The following TAOK3 variants were observed in gnomAD, a reference collection of about 807,000 sequenced individuals.
The protein encoded by TAOK3 is serine/threonine-protein kinase TAO3.
Under a neutral mutation model 120.4 loss-of-function variants are expected in TAOK3, and 40 were observed. The ratio of observed to expected loss-of-function variants is 0.33; its 90% confidence interval spans 0.26 to 0.43. The LOEUF (loss-of-function observed/expected upper bound fraction) is 0.43, where lower values mean the gene tolerates loss of function less well. Ranked by LOEUF, TAOK3 falls within the 20% of genes least tolerant of loss-of-function variation. The pLI, the probability that TAOK3 is intolerant of heterozygous loss-of-function variation, is 1.00. For missense variants in TAOK3, 821 were observed against 1,112.1 expected, an observed-to-expected ratio of 0.74 and a Z score of 3.72; for synonymous variants, 355 against 387.5, an observed-to-expected ratio of 0.92 and a Z score of 0.99.
At chr12:118,296,506 C>CG (rs1376109046) in intron 1 of TAOK3, among the ~76,000 whole-genome samples, 1 of 152,042 alleles carries the variant, frequency 6.6e-6, no homozygotes, top group East Asian at 1.9e-4. Flanking sequence ...CTATAAGTTT[C>CG]GGGAAAAAAG....
At chr12:118,359,034 A>T (rs1243028960) in intron 1 of TAOK3, 1 of 152,222 alleles carries the variant, frequency 6.6e-6, no homozygotes, top group Non-Finnish European at 1.5e-5. Context: ...GGCTTCATTT[A>T]AAAAACTGCC....
At chr12:118,227,261 A>G (rs2039550939) in intron 9 of TAOK3, among the ~76,000 whole-genome samples, 1 of 146,288 alleles carries the variant, frequency 6.8e-6, no homozygotes, top group Non-Finnish European at 1.5e-5. Flanking sequence ...AATATAATAT[A>G]AAATTATGTT....
chr12:118,364,062 G>T (rs1419698304), intron 1 of TAOK3, among the ~76,000 whole-genome samples: 1 of 152,048 alleles, frequency 6.6e-6, no homozygotes, highest in Non-Finnish European at 1.5e-5. Context: ...CTTGAACCCG[G>T]GAGGCAGAGG....
In TAOK3 at chr12:118,151,123, G is replaced by C; in HGVS notation, c.2571C>G (p.Arg857=). The part of the protein sequence containing the change: ...EEELAALQKE[R]SERIKNLLER... ...CCAATAGGTTCTTTATTCTCTCGCTGCGTTCCTTCTGAAGGGCAGCCAGCT... is the reference window on the plus strand; with the variant it reads ...CCAATAGGTTCTTTATTCTCTCGCTCCGTTCCTTCTGAAGGGCAGCCAGCT... The change falls in exon 21 of 21, where the codon CGC becomes CGG. Residue 857 remains arginine (R), a synonymous_variant. Transcript: ENST00000392533. 1 of 1,613,450 alleles carries C rather than the reference G, an allele frequency of 6.2e-7. No homozygotes were observed. Among genetic ancestry groups the C allele is most frequent in the South Asian group, 1.1e-5 (1 of 91,060 alleles).
chr12:118,156,466 C>T (rs905289460), intron 19 of TAOK3, among the ~76,000 whole-genome samples: 8 of 152,102 alleles, frequency 5.3e-5, no homozygotes, highest in Non-Finnish European at 1.0e-4. Context: ...TTCCTCTAAC[C>T]GCTCTTCCTA....
intron 6 of TAOK3, among the ~76,000 whole-genome samples, chr12:118,238,430 A>G (rs1213917447): frequency 6.6e-6 from 1 of 152,222 alleles, no homozygotes; most frequent in Non-Finnish European, 1.5e-5. Context: ...TTTACTTATC[A>G]GTTGCAAGCC....
intron 1 of TAOK3, among the ~76,000 whole-genome samples, chr12:118,334,137 CAAA>C (rs57605394): frequency 0.09 from 7,002 of 77,490 alleles, 337 homozygotes; most frequent in East Asian, 0.34. Flanking sequence ...CTCCCATCTC[CAAA>C]AAAAAAAAAA....
chr12:118,291,110 C>T (rs1024275979), intron 1 of TAOK3, among the ~76,000 whole-genome samples: 18 of 151,428 alleles, frequency 1.2e-4, no homozygotes, highest in Non-Finnish European at 2.1e-4. Flanking sequence ...TCTGCCTCGG[C>T]GTCCGAAAGT....
At chr12:118,279,226 T>C in intron 1 of TAOK3, among the ~76,000 whole-genome samples, 1 of 152,192 alleles carries the variant, frequency 6.6e-6, no homozygotes, top group East Asian at 1.9e-4. Context: ...CATGTCTTCT[T>C]TTGAAAAGTG....
rs558514819 is a variant in TAOK3 at position 118,181,285 on chromosome 12, C to G, written c.1566+86G>C. ...GAAACAACAATTTTCCTCCATCCCCCACTCCTGCCTCTTGCTAACATCCTG... is the reference window on the plus strand; with the variant it reads ...GAAACAACAATTTTCCTCCATCCCCGACTCCTGCCTCTTGCTAACATCCTG... On this transcript the variant is annotated intron_variant, in intron 15 of 20. Transcript: ENST00000392533. 53 of 1,150,970 alleles carry G rather than the reference C, an allele frequency of 4.6e-5. 1 individual carries two copies. In the South Asian group the frequency reaches 6.3e-4, roughly 14 times the overall value. The allele number at this position is 1,150,970 out of a possible 1,614,324, so 71.3% of individuals were successfully genotyped here.
intron 17 of TAOK3, among the ~76,000 whole-genome samples, chr12:118,169,444 G>A (rs1593015340): frequency 6.7e-6 from 1 of 149,254 alleles, no homozygotes; most frequent in African/African-American, 2.5e-5. Context: ...AGCCTCCCGA[G>A]TAGCTGGGAT....
At chr12:118,199,302 A>C in intron 12 of TAOK3, 45 bp from the exon 13 acceptor site, 1 of 1,449,952 alleles carries the variant, frequency 6.9e-7, no homozygotes, top group Non-Finnish European at 9.7e-7. Flanking sequence ...ACTGAAGATA[A>C]AGAGTCAATC....
chr12:118,169,412 G>A (rs1338912312), intron 17 of TAOK3, among the ~76,000 whole-genome samples: 1 of 144,730 alleles, frequency 6.9e-6, no homozygotes, highest in Non-Finnish European at 1.5e-5. Context: ...TGCCTCCTGG[G>A]TTCAAGCCAT....
At chr12:118,151,741 A>G (rs1210664215) in intron 20 of TAOK3, among the ~76,000 whole-genome samples, 2 of 152,242 alleles carry the variant, frequency 1.3e-5, no homozygotes, top group Non-Finnish European at 2.9e-5. Flanking sequence ...CAGAATTTCT[A>G]AAGCAATGAA....
At chr12:118,333,159 T>A (rs1035073920) in intron 1 of TAOK3, among the ~76,000 whole-genome samples, 5 of 152,146 alleles carry the variant, frequency 3.3e-5, no homozygotes, top group Non-Finnish European at 7.4e-5. Context: ...TAATAAACAC[T>A]CCTTCCAACA....
At chr12:118,231,863 T>C (rs1593240189) in intron 9 of TAOK3, among the ~76,000 whole-genome samples, 1 of 150,348 alleles carries the variant, frequency 6.7e-6, no homozygotes, top group Admixed American at 6.6e-5. Flanking sequence ...AGAGAGGCTG[T>C]AGTGAGCCAA....
At chr12:118,279,026 C>T (rs1042443208) in intron 1 of TAOK3, among the ~76,000 whole-genome samples, 5 of 152,078 alleles carry the variant, frequency 3.3e-5, no homozygotes, top group African/African-American at 7.2e-5. Context: ...AGGTTGGTTT[C>T]GAACTCCTGA....
In TAOK3 at chr12:118,255,568, G is replaced by C. The variant is rs1268217439; in HGVS notation, c.-1C>G. On this transcript the variant is annotated 5_prime_UTR_variant, in exon 3 of 21. In the 5' UTR this introduces an upstream ATG that the reference lacks. Transcript: ENST00000392533. ...GGTCCTTCAGCACCCCTTTACGCAT[G>C]ATGGCCAGTAGAGCAGGCTCTGCTT... 6.2e-7 allele frequency: 1 copy of C among 1,610,686 alleles called. No individual in the cohort carries two copies. Among genetic ancestry groups the C allele is most frequent in the African/African-American group, 1.3e-5 (1 of 74,770 alleles).
intron 1 of TAOK3, among the ~76,000 whole-genome samples, chr12:118,343,567 T>C (rs1334867551): frequency 6.6e-6 from 1 of 152,122 alleles, no homozygotes; most frequent in Non-Finnish European, 1.5e-5. Flanking sequence ...GGGAACTGTA[T>C]GGGGTGCACC....
Sources: allele counts gnomAD v4.1 joint callset (sites outside exome capture counted in the v4.1 genomes callset), GRCh38; gene constraint gnomAD v4.1.1; transcripts MANE v1.5; gene names NCBI Gene and HGNC (gene_info 2026-07-23, HGNC 2026-07-21).